EIF2B3: variants seen among roughly 807,000 people sequenced by gnomAD.
EIF2B3 encodes translation initiation factor eIF2B subunit gamma.
Under a neutral mutation model 54.1 loss-of-function variants are expected in EIF2B3, and 20 were observed. The ratio of observed to expected loss-of-function variants is 0.37; its 90% CI spans 0.26 to 0.54. EIF2B3 has a LOEUF of 0.54. Among genes scored for constraint, EIF2B3 ranks in the 20% least tolerant of loss-of-function variants. The pLI is 0.86. For missense variants in EIF2B3, 448 were observed against 547.8 expected, an observed-to-expected ratio of 0.82 and a Z score of 1.82; for synonymous variants, 153 against 188.1, an observed-to-expected ratio of 0.81 and a Z score of 1.52.
At position 44,910,379 on chromosome 1, in the gene EIF2B3, A is replaced by G. The variant is rs147485575; in HGVS notation, c.567-12935T>C. ...GAATTTTCAGTAACAAGCTCCTTCT[A>G]CCAGAACATTCTTTCCTACTACATG... On this transcript the variant is annotated intron_variant, in intron 5 of 11. Transcript: ENST00000360403. Among the ~76,000 whole-genome samples, 3 of 152,294 alleles carry G rather than the reference A, an allele frequency of 2.0e-5. No individual in the cohort carries two copies. The East Asian group carries it at 5.8e-4, about 29-fold the overall frequency.
chr1:44,878,621 T>C (rs2148904027), intron 8 of EIF2B3, among the ~76,000 whole-genome samples: 1 of 152,220 alleles, frequency 6.6e-6, no homozygotes, highest in African/African-American at 2.4e-5. Context: ...GCCACCCTGG[T>C]CTACACCTGC....
chr1:44,860,232 C>T (rs753740678), intron 10 of EIF2B3, among the ~76,000 whole-genome samples: 24 of 152,236 alleles, frequency 1.6e-4, no homozygotes, highest in Admixed American at 1.5e-3. Context: ...TCACTGCAGC[C>T]TCCATCTCTG....
At chr1:44,916,003 T>G (rs1643615984) in intron 5 of EIF2B3, among the ~76,000 whole-genome samples, 1 of 152,186 alleles carries the variant, frequency 6.6e-6, no homozygotes, top group Non-Finnish European at 1.5e-5. Context: ...AAAGATGATG[T>G]TATTAATATC....
At chr1:44,967,223 G>A (rs1644351634) in intron 3 of EIF2B3, among the ~76,000 whole-genome samples, 1 of 149,422 alleles carries the variant, frequency 6.7e-6, no homozygotes, top group Non-Finnish European at 1.5e-5. Flanking sequence ...GAGGCAGGCA[G>A]ATCACTTGAG....
chr1:44,852,746 T>A lies in EIF2B3; in HGVS notation c.1307-1743A>T, dbSNP rs753192880. Reference sequence around the variant, plus strand: ...GTGAGCCGAGATCGCAGCATTACACTCCAGCCTGGGCAACAAGAGTGAAAC... The same window carrying A: ...GTGAGCCGAGATCGCAGCATTACACACCAGCCTGGGCAACAAGAGTGAAAC... On this transcript the variant is annotated intron_variant, in intron 11 of 11. Coordinates refer to ENST00000360403, the MANE Select transcript of EIF2B3 (RefSeq NM_020365.5). 2.2e-5 allele frequency among the ~76,000 whole-genome samples: 3 copies of A among 139,306 alleles called. No homozygotes were observed. In the East Asian group the frequency reaches 6.2e-4, roughly 29 times the overall value. The allele number at this position is 139,306 out of a possible 152,430, so 91.4% of individuals were successfully genotyped here. A position where few individuals can be genotyped will look rare whatever the true frequency, so the allele number is the denominator to read the frequency against.
intron 5 of EIF2B3, among the ~76,000 whole-genome samples, chr1:44,914,119 G>A (rs370672833): frequency 6.7e-6 from 1 of 149,716 alleles, no homozygotes; most frequent in African/African-American, 2.5e-5. Context: ...GTGAGCCACC[G>A]CACCCAGCCT....
intron 5 of EIF2B3, among the ~76,000 whole-genome samples, chr1:44,922,329 G>C (rs925207982): frequency 4.6e-5 from 7 of 150,726 alleles, no homozygotes; most frequent in Non-Finnish European, 1.0e-4. Context: ...GCTCACGCCT[G>C]TAATCTCAGC....
intron 5 of EIF2B3, among the ~76,000 whole-genome samples, chr1:44,900,114 T>C (rs1458283371): frequency 3.9e-5 from 6 of 152,158 alleles, no homozygotes; most frequent in Non-Finnish European, 8.8e-5. Context: ...GTCTCACTTA[T>C]AAGTGGGAGC....
chr1:44,955,075 T>C (rs1047684024), intron 3 of EIF2B3, among the ~76,000 whole-genome samples: 2 of 152,158 alleles, frequency 1.3e-5, no homozygotes, highest in Admixed American at 1.3e-4. Context: ...TGAAGCCGAC[T>C]TGATTGTGGT....
At chr1:44,919,104 T>C (rs938471860) in intron 5 of EIF2B3, among the ~76,000 whole-genome samples, 2 of 152,070 alleles carry the variant, frequency 1.3e-5, no homozygotes, top group African/African-American at 4.8e-5. Flanking sequence ...TCCTAGCACT[T>C]TGGGAGGCTG....
chr1:44,875,802 C>T, intron 8 of EIF2B3, 107 bp from the exon 9 acceptor site: 1 of 885,988 alleles, frequency 1.1e-6, no homozygotes, highest in South Asian at 1.4e-5. Flanking sequence ...GTCTCCCTCT[C>T]CCTCTCTTTC....
At chr1:44,851,153 C>A in intron 11 of EIF2B3, 150 bp from the exon 12 acceptor site, 4 of 739,356 alleles carry the variant, frequency 5.4e-6, no homozygotes, top group Non-Finnish European at 9.2e-6. Context: ...CAACCTCCAT[C>A]TCCCAGGTTC....
At chr1:44,940,889 C>T (rs1644012841) in intron 4 of EIF2B3, 1 of 149,770 alleles carries the variant, frequency 6.7e-6, no homozygotes. Context: ...ACTTTAATTC[C>T]TTTTCTCCCC....
chr1:44,925,383 C>A, intron 5 of EIF2B3: 1 of 152,416 alleles, frequency 6.6e-6, no homozygotes, highest in Non-Finnish European at 1.5e-5. Context: ...TTATATGCTA[C>A]GGCATGGACA....
chr1:44,928,786 C>T (rs1002230075), intron 4 of EIF2B3, among the ~76,000 whole-genome samples: 3 of 152,144 alleles, frequency 2.0e-5, no homozygotes, highest in African/African-American at 7.2e-5. Flanking sequence ...TTCTATCTCC[C>T]ATAACATCTA....
At chr1:44,867,867 TAAAAAA>T (rs768045271) in intron 10 of EIF2B3, among the ~76,000 whole-genome samples, 1 of 99,486 alleles carries the variant, frequency 1.0e-5, no homozygotes, top group Admixed American at 1.1e-4. Flanking sequence ...ATTCTGTCTC[TAAAAAA>T]AAAAAAAAAA....
intron 3 of EIF2B3, among the ~76,000 whole-genome samples, chr1:44,952,205 CG>C (rs1170710243): frequency 7.9e-6 from 1 of 126,298 alleles, no homozygotes; most frequent in East Asian, 2.4e-4. Flanking sequence ...CCTCGTGATC[CG>C]CCCGCCTCGG....
chr1:44,866,527 G>A (rs1204721628), intron 10 of EIF2B3, among the ~76,000 whole-genome samples: 1 of 152,084 alleles, frequency 6.6e-6, no homozygotes, highest in Non-Finnish European at 1.5e-5. Flanking sequence ...AGGGAGCACA[G>A]AGGTGGGGAA....
intron 4 of EIF2B3, among the ~76,000 whole-genome samples, chr1:44,930,270 T>C (rs776848212): frequency 3.3e-5 from 5 of 152,186 alleles, no homozygotes; most frequent in Non-Finnish European, 7.3e-5. Context: ...ATGATCCTGA[T>C]GCCAAAACCA....
Sources: gnomAD v4.1 joint callset for allele counts (sites outside exome capture counted in the v4.1 genomes callset) on GRCh38, gnomAD v4.1.1 for gene constraint, MANE v1.5 for transcripts, NCBI Gene and HGNC (gene_info 2026-07-23, HGNC 2026-07-21) for gene names.